FAM149B1: variants seen among roughly 807,000 people sequenced by gnomAD.
FAM149B1 encodes family with sequence similarity 149 member B1, also known as primary cilium assembly protein FAM149B1.
In FAM149B1, 56 loss-of-function variants were observed where a neutral mutation model predicts 75.3. The ratio of observed to expected loss-of-function variants is 0.74; its 90% confidence interval spans 0.60 to 0.93. FAM149B1 has a LOEUF of 0.93. Among genes scored for constraint, FAM149B1 ranks in the 40% least tolerant of loss-of-function variants. FAM149B1 has a pLI of 0.00. For synonymous variants in FAM149B1, 259 were observed against 256.1 expected, an observed-to-expected ratio of 1.01 and a Z score of -0.11; for missense variants, 639 against 708.4, an observed-to-expected ratio of 0.90 and a Z score of 1.11.
intron 2 of FAM149B1, 38 bp from the exon 3 acceptor site, chr10:73,177,808 T>C: frequency 6.5e-7 from 1 of 1,529,898 alleles, no homozygotes; most frequent in Non-Finnish European, 8.7e-7. Flanking sequence ...TATGAAAAAT[T>C]TTCTTTTTTC....
intron 9 of FAM149B1, chr10:73,231,058 T>G (rs1344486068): frequency 6.5e-6 from 1 of 153,138 alleles, no homozygotes; most frequent in Non-Finnish European, 1.5e-5. Context: ...TAGACCATGG[T>G]GTGATTAGCG....
intron 12 of FAM149B1, among the ~76,000 whole-genome samples, chr10:73,236,050 G>T (rs1232426239): frequency 6.6e-6 from 1 of 152,138 alleles, no homozygotes; most frequent in African/African-American, 2.4e-5. Context: ...CCCACATCCT[G>T]ACAGTTTTCA....
At chr10:73,239,435 C>A (rs992865333) in intron 13 of FAM149B1, 51 bp downstream of exon 13, 70 of 1,386,204 alleles carry the variant, frequency 5.0e-5, no homozygotes, top group Admixed American at 1.5e-4. Flanking sequence ...TGTGTTAAGA[C>A]CCAGCCTTTG....
rs1399882743 is a variant in FAM149B1 at position 73,233,171 on chromosome 10, T to C, written c.1352+8T>C. The C allele has an allele frequency of 3.2e-6, 5 of 1,539,922 alleles. No homozygotes were observed. Among genetic ancestry groups the C allele is most frequent in the Non-Finnish European group, 4.4e-6 (5 of 1,136,474 alleles). On this transcript the variant is annotated splice_region_variant and intron_variant, in intron 10 of 13. Transcript: ENST00000242505. ...CCTCAGAGGAGCCCGAGTGTAGGTTTCAAAAGCAGAACTTCTGGAAACCGT... is the reference window on the plus strand; with the variant it reads ...CCTCAGAGGAGCCCGAGTGTAGGTTCCAAAAGCAGAACTTCTGGAAACCGT...
chr10:73,195,173 T>C (rs1200652783), intron 5 of FAM149B1, among the ~76,000 whole-genome samples: 2 of 152,234 alleles, frequency 1.3e-5, no homozygotes, highest in Non-Finnish European at 2.9e-5. Context: ...GTTTTACTTA[T>C]TTGATACCTT....
chr10:73,175,376 AAACAT>A (rs1277806697), intron 2 of FAM149B1, among the ~76,000 whole-genome samples: 1 of 152,096 alleles, frequency 6.6e-6, no homozygotes, highest in Non-Finnish European at 1.5e-5. Flanking sequence ...TTTCAAGAAA[AAACAT>A]AAATAGGGCC....
At chr10:73,170,467 G>A (rs1228407392) in intron 1 of FAM149B1, among the ~76,000 whole-genome samples, 1 of 152,028 alleles carries the variant, frequency 6.6e-6, no homozygotes, top group African/African-American at 2.4e-5. Context: ...TCACACCACT[G>A]TACTCCAGCC....
rs1189815102 is a variant in FAM149B1 at position 73,228,312 on chromosome 10, T to C, written c.1023+128T>C. ...TTTTAGTACAGTTATGTGTTTATCATAATAATCCAGTGACTCTTCGCATTG... is the reference window on the plus strand; with the variant it reads ...TTTTAGTACAGTTATGTGTTTATCACAATAATCCAGTGACTCTTCGCATTG... On this transcript the variant is annotated intron_variant, in intron 8 of 13. Transcript: ENST00000242505. The C allele has an allele frequency of 4.1e-6, 3 of 724,426 alleles. No individual in the cohort carries two copies. In the Admixed American group the frequency reaches 8.6e-5, roughly 21 times the overall value. The allele number at this position is 724,426 out of a possible 1,614,324, so 44.9% of individuals were successfully genotyped here.
chr10:73,202,460 T>C (rs1178620364), intron 5 of FAM149B1, among the ~76,000 whole-genome samples: 1 of 152,030 alleles, frequency 6.6e-6, no homozygotes, highest in Non-Finnish European at 1.5e-5. Context: ...TGATAGCTTT[T>C]TTTTTTTTGT....
chr10:73,228,281 A>C, intron 8 of FAM149B1, 97 bp downstream of exon 8: 3 of 1,004,870 alleles, frequency 3.0e-6, no homozygotes, highest in Non-Finnish European at 4.5e-6. Context: ...TTTCTGACTC[A>C]ATATGTTTTA....
At chr10:73,232,903 C>A in intron 9 of FAM149B1, 36 bp from the exon 10 acceptor site, 1 of 1,250,934 alleles carries the variant, frequency 8.0e-7, no homozygotes, top group Non-Finnish European at 1.1e-6. Flanking sequence ...ACATACTGAT[C>A]TTTACTTCAT....
intron 1 of FAM149B1, among the ~76,000 whole-genome samples, chr10:73,173,444 C>A (rs6480677): frequency 0.16 from 23,965 of 152,114 alleles, 3,143 homozygotes; most frequent in African/African-American, 0.34. Flanking sequence ...CTGTTTCATC[C>A]CCACCAAGGA....
chr10:73,198,451 C>G (rs963249838), intron 5 of FAM149B1, among the ~76,000 whole-genome samples: 5 of 152,158 alleles, frequency 3.3e-5, no homozygotes, highest in African/African-American at 9.7e-5. Flanking sequence ...CAAATCATAT[C>G]TGATGAGGAG....
At chr10:73,192,753 G>A in intron 4 of FAM149B1, 55 bp downstream of exon 4, 1 of 1,415,756 alleles carries the variant, frequency 7.1e-7, no homozygotes, top group Non-Finnish European at 9.3e-7. Flanking sequence ...AATTTAAAAA[G>A]TAGATTTAAA....
At chr10:73,220,971 TG>T (rs2043400082) in intron 7 of FAM149B1, among the ~76,000 whole-genome samples, 2 of 152,232 alleles carry the variant, frequency 1.3e-5, no homozygotes, top group Non-Finnish European at 2.9e-5. Flanking sequence ...TACTGATACA[TG>T]TTACAACATG....
chr10:73,168,407 C>T, intron 1 of FAM149B1, 21 bp downstream of exon 1: 2 of 1,548,870 alleles, frequency 1.3e-6, no homozygotes, highest in Non-Finnish European at 1.7e-6. Flanking sequence ...TGCTCAGCCA[C>T]CCCAGCCGGG....
chr10:73,236,711 C>CTT (rs576371533), intron 12 of FAM149B1, among the ~76,000 whole-genome samples: 1 of 148,876 alleles, frequency 6.7e-6, no homozygotes, highest in Non-Finnish European at 1.5e-5. Context: ...TGTACCCGGC[C>CTT]TTTTTTTTCT....
At chr10:73,213,538 G>A (rs956935167) in intron 7 of FAM149B1, among the ~76,000 whole-genome samples, 2 of 152,010 alleles carry the variant, frequency 1.3e-5, no homozygotes, top group African/African-American at 4.8e-5. Context: ...ATGGTGAGAG[G>A]TATTTTTCTG....
chr10:73,219,372 C>T (rs1264801931), intron 7 of FAM149B1, among the ~76,000 whole-genome samples: 1 of 152,152 alleles, frequency 6.6e-6, no homozygotes, highest in African/African-American at 2.4e-5. Flanking sequence ...TATCAAAATT[C>T]CAGCTGCCTT....
Sources: gnomAD v4.1 joint callset for allele counts (sites outside exome capture counted in the v4.1 genomes callset) on GRCh38, gnomAD v4.1.1 for gene constraint, MANE v1.5 for transcripts, NCBI Gene and HGNC (gene_info 2026-07-23, HGNC 2026-07-21) for gene names.